The following SNRPG variants were observed in gnomAD, a reference collection of about 807,000 sequenced individuals.
SNRPG encodes the protein small nuclear ribonucleoprotein polypeptide G, also known as small nuclear ribonucleoprotein G.
A neutral mutation model predicts 13.9 loss-of-function variants in SNRPG; 3 were observed. The observed-to-expected ratio is 0.22, with a 90% CI of 0.10 to 0.56. The LOEUF is 0.56. Ranked by LOEUF, SNRPG falls within the 20% of genes least tolerant of loss-of-function variation. The pLI is 0.93. For missense variants in SNRPG, 34 were observed against 96.1 expected, an observed-to-expected ratio of 0.35 and a Z score of 2.70; for synonymous variants, 29 against 29.3, an observed-to-expected ratio of 0.99 and a Z score of 0.03.
At chr2:70,293,465 T>C (rs942255439) in intron 1 of SNRPG, 153 bp downstream of exon 1, 3 of 772,874 alleles carry the variant, frequency 3.9e-6, no homozygotes, top group Admixed American at 1.9e-5. Flanking sequence ...TCACGTCTCA[T>C]GCGCGGGAGC....
chr2:70,286,518 T>C (rs1340969752), intron 3 of SNRPG, among the ~76,000 whole-genome samples: 2 of 151,522 alleles, frequency 1.3e-5, no homozygotes, highest in African/African-American at 4.8e-5. Flanking sequence ...GATAAAAACT[T>C]TTTTTTTTCT....
intron 1 of SNRPG, chr2:70,293,266 T>TAGCC: frequency 4.3e-6 from 3 of 701,114 alleles, no homozygotes; most frequent in Non-Finnish European, 7.8e-6. Context: ...TTTCCCCCTC[T>TAGCC]AGCCGTCTAT....
intron 3 of SNRPG, among the ~76,000 whole-genome samples, chr2:70,285,444 C>T (rs1447484130): frequency 2.0e-5 from 3 of 152,034 alleles, no homozygotes; most frequent in Non-Finnish European, 4.4e-5. Context: ...TGGTGGTGTG[C>T]GCCTGTAGTC....
chr2:70,281,686 TAAGA>T lies in SNRPG; in HGVS notation c.181-6_181-3del, dbSNP rs753930294. On this transcript the variant is annotated splice_region_variant and splice_polypyrimidine_tract_variant and intron_variant, in intron 3 of 3. Transcript: ENST00000272348. ...GATGATACTATTTCCTCGTATTACC[TAAGA>T]AAGAGAAAAATAAATTTGAAAAGAA... is the stretch of plus-strand genomic sequence containing the variant. 3.3e-6 allele frequency: 5 copies of T among 1,514,660 alleles called. No individual in the cohort carries two copies. The highest frequency in any genetic ancestry group is 2.3e-5 in the East Asian group (1 of 44,122). The allele number at this position is 1,514,660 out of a possible 1,614,324, so 93.8% of individuals were successfully genotyped here.
intron 3 of SNRPG, among the ~76,000 whole-genome samples, chr2:70,287,060 T>C (rs1349317022): frequency 6.6e-6 from 1 of 152,156 alleles, no homozygotes; most frequent in Non-Finnish European, 1.5e-5. Context: ...CTCTAAACTG[T>C]TTTTTCAGTC....
chr2:70,286,982 C>T (rs879343163), intron 3 of SNRPG, among the ~76,000 whole-genome samples: 1 of 152,106 alleles, frequency 6.6e-6, no homozygotes, highest in Non-Finnish European at 1.5e-5. Flanking sequence ...CAGAAGCTCA[C>T]AAGGGAATAT....
At chr2:70,281,710 AAAG>A in intron 3 of SNRPG, 26 bp from the exon 4 acceptor site, 1 of 1,271,586 alleles carries the variant, frequency 7.9e-7, no homozygotes, top group Non-Finnish European at 1.1e-6. Flanking sequence ...ATAAATTTGA[AAAG>A]AACAACTCAG....
At chr2:70,285,479 G>A (rs975826878) in intron 3 of SNRPG, among the ~76,000 whole-genome samples, 4 of 152,278 alleles carry the variant, frequency 2.6e-5, no homozygotes, top group East Asian at 3.9e-4. Flanking sequence ...AGCTGAGGCA[G>A]GAGAACTGCT....
chr2:70,282,286 T>G (rs758111338), intron 3 of SNRPG, among the ~76,000 whole-genome samples: 5 of 152,136 alleles, frequency 3.3e-5, no homozygotes, highest in Non-Finnish European at 7.4e-5. Context: ...ATCCAAAAAT[T>G]AATGAGTAAA....
intron 2 of SNRPG, among the ~76,000 whole-genome samples, chr2:70,289,111 C>T (rs1490013890): frequency 1.3e-5 from 2 of 152,104 alleles, no homozygotes; most frequent in African/African-American, 2.4e-5. Context: ...CCACTGCACC[C>T]GGCTAATTTT....
chr2:70,286,539 G>A (rs902171472), intron 3 of SNRPG, among the ~76,000 whole-genome samples: 9 of 152,042 alleles, frequency 5.9e-5, no homozygotes, highest in African/African-American at 2.2e-4. Context: ...TTGGCTGGGG[G>A]TTGGGGGGCG....
chr2:70,284,980 C>G (rs2104912773), intron 3 of SNRPG, among the ~76,000 whole-genome samples: 1 of 152,268 alleles, frequency 6.6e-6, no homozygotes, highest in Middle Eastern at 3.4e-3. Context: ...TGTGGATTAT[C>G]CTTTGTCTAG....
chr2:70,287,590 G>A (rs1369600490), intron 3 of SNRPG, among the ~76,000 whole-genome samples: 1 of 152,204 alleles, frequency 6.6e-6, no homozygotes, highest in Non-Finnish European at 1.5e-5. Flanking sequence ...TGGTAAACCA[G>A]AAAATCCAGG....
rs537908196 is a variant in SNRPG, at chr2:70,288,101, C to T, written c.147G>A (p.Ala49=). 5.6e-6 allele frequency: 9 copies of T among 1,611,460 alleles called. No individual in the cohort carries two copies. The highest frequency in any genetic ancestry group is 5.3e-5 in the African/African-American group (4 of 74,976). Residue 49 remains alanine (A), a synonymous_variant, in exon 3 of 4, where the codon GCG becomes GCA. Transcript: ENST00000272348. Reference sequence around the variant, plus strand: ...CAATATTGTTCTGTTGTCCACTAGTCGCCATCTCCACACATTCATCTATCA... The same window carrying T: ...CAATATTGTTCTGTTGTCCACTAGTTGCCATCTCCACACATTCATCTATCA... ...NLVIDECVEM[A]TSGQQNNIGM...
intron 2 of SNRPG, 31 bp downstream of exon 2, chr2:70,289,318 TA>T (rs747791058): frequency 5.2e-5 from 68 of 1,313,404 alleles, no homozygotes; most frequent in African/African-American, 1.9e-4. Context: ...ATTAAATAAT[TA>T]AAAAAAACCC....
At chr2:70,292,286 T>C (rs1273740731) in intron 1 of SNRPG, among the ~76,000 whole-genome samples, 1 of 151,938 alleles carries the variant, frequency 6.6e-6, no homozygotes, top group Non-Finnish European at 1.5e-5. Flanking sequence ...CTAACTAAAA[T>C]ATACATAGAA....
intron 3 of SNRPG, among the ~76,000 whole-genome samples, chr2:70,286,364 ATTTG>A (rs1696941805): frequency 6.6e-6 from 1 of 151,800 alleles, no homozygotes; most frequent in Non-Finnish European, 1.5e-5. Flanking sequence ...ACCTTAACCT[ATTTG>A]TTTCCCTTCT....
intron 3 of SNRPG, among the ~76,000 whole-genome samples, chr2:70,285,132 G>A (rs1696907714): frequency 6.6e-6 from 1 of 152,152 alleles, no homozygotes. Flanking sequence ...TGGCAATATG[G>A]ATATGCCAAA....
intron 3 of SNRPG, among the ~76,000 whole-genome samples, chr2:70,283,249 G>T (rs943889044): frequency 1.4e-4 from 21 of 151,854 alleles, no homozygotes; most frequent in African/African-American, 5.1e-4. Flanking sequence ...ACTAAAAACA[G>T]TAAGTCCCTA....
Sources: gnomAD v4.1 joint callset for allele counts (sites outside exome capture counted in the v4.1 genomes callset) on GRCh38, gnomAD v4.1.1 for gene constraint, MANE v1.5 for transcripts, NCBI Gene and HGNC (gene_info 2026-07-23, HGNC 2026-07-21) for gene names.